Variants in TFEC observed in about 807,000 individuals in gnomAD.
The protein encoded by TFEC is transcription factor EC.
TFEC carries 31 observed loss-of-function variants against 41.6 expected under a neutral mutation model. The observed-to-expected ratio is 0.74, with a 90% CI of 0.56 to 1.01. TFEC has a LOEUF of 1.01. TFEC is among the 50% of genes least tolerant of loss of function. The probability of loss-of-function intolerance (pLI) is 0.00; values close to 1 mark genes in which losing one functional copy is unlikely to be tolerated. For synonymous variants in TFEC, 143 were observed against 140.6 expected (o/e 1.02, Z -0.12); for missense variants, 402 against 404.1 (o/e 0.99, Z 0.04).
chr7:116,061,788 T>C (rs528395320), intron 3 of TFEC, among the ~76,000 whole-genome samples: 47 of 152,202 alleles, frequency 3.1e-4, no homozygotes, highest in African/African-American at 1.1e-3. Context: ...AAAAAACTCT[T>C]TGAACAGACA....
chr7:116,014,280 G>A (rs1019965201), intron 1 of TFEC, among the ~76,000 whole-genome samples: 1 of 151,906 alleles, frequency 6.6e-6, no homozygotes, highest in Non-Finnish European at 1.5e-5. Context: ...AAATGAATAA[G>A]TGCATATAAA....
At chr7:116,021,528 A>C (rs899226313) in intron 1 of TFEC, among the ~76,000 whole-genome samples, 3 of 152,232 alleles carry the variant, frequency 2.0e-5, no homozygotes, top group Non-Finnish European at 4.4e-5. Flanking sequence ...CCAGAAAGTC[A>C]AAGCTGCAAT....
chr7:116,152,658 A>G (rs909733145), intron 1 of TFEC, among the ~76,000 whole-genome samples: 30 of 152,206 alleles, frequency 2.0e-4, no homozygotes, highest in African/African-American at 7.0e-4. Context: ...TGTACTCAGA[A>G]TCGTATTGCC....
intron 3 of TFEC, among the ~76,000 whole-genome samples, chr7:116,042,270 A>G (rs1475262062): frequency 1.3e-5 from 2 of 152,216 alleles, no homozygotes; most frequent in Non-Finnish European, 1.5e-5. Context: ...TAGAATACAT[A>G]TAATACAGCA....
At chr7:116,130,827 G>A (rs1318388952) in intron 1 of TFEC, among the ~76,000 whole-genome samples, 1 of 152,134 alleles carries the variant, frequency 6.6e-6, no homozygotes, top group South Asian at 2.1e-4. Context: ...GCTCAGGCTG[G>A]TTTCAAACTC....
intron 1 of TFEC, among the ~76,000 whole-genome samples, chr7:116,154,030 T>C (rs530534960): frequency 6.6e-6 from 1 of 152,334 alleles, no homozygotes; most frequent in Admixed American, 6.5e-5. Flanking sequence ...GAGAAGAGTG[T>C]TTCTGCTCTT....
At chr7:115,970,999 CATA>C (rs1355390097) in intron 3 of TFEC, among the ~76,000 whole-genome samples, 1 of 152,008 alleles carries the variant, frequency 6.6e-6, no homozygotes, top group African/African-American at 2.4e-5. Context: ...AGTAGGTAAA[CATA>C]ATAATAATTA....
chr7:116,123,198 G>A (rs1042266762), intron 1 of TFEC, among the ~76,000 whole-genome samples: 1 of 152,098 alleles, frequency 6.6e-6, no homozygotes, highest in Non-Finnish European at 1.5e-5. Flanking sequence ...GCCCCAGCAA[G>A]ATAACTGCAC....
At chr7:116,156,898 C>T (rs190021812) in intron 1 of TFEC, among the ~76,000 whole-genome samples, 100 of 152,270 alleles carry the variant, frequency 6.6e-4, no homozygotes, top group African/African-American at 2.0e-3. Context: ...TCCACATATA[C>T]ATTTTATACT....
At chr7:115,994,759 C>G (rs183820200) in intron 1 of TFEC, among the ~76,000 whole-genome samples, 1 of 152,284 alleles carries the variant, frequency 6.6e-6, no homozygotes, top group East Asian at 1.9e-4. Context: ...GGACTGTAAA[C>G]TAGTTCAACC....
chr7:116,138,196 A>C (rs1016029199), intron 1 of TFEC, among the ~76,000 whole-genome samples: 1 of 152,212 alleles, frequency 6.6e-6, no homozygotes, highest in African/African-American at 2.4e-5. Context: ...ATCAAATAAG[A>C]TAAGCCATTA....
intron 3 of TFEC, among the ~76,000 whole-genome samples, chr7:116,093,807 A>C (rs1797384963): frequency 6.6e-6 from 1 of 152,206 alleles, no homozygotes; most frequent in African/African-American, 2.4e-5. Context: ...GGGGAAATGC[A>C]AGCTCTAAAA....
intron 1 of TFEC, among the ~76,000 whole-genome samples, chr7:115,990,258 A>G (rs1794047404): frequency 6.6e-6 from 1 of 152,202 alleles, no homozygotes; most frequent in African/African-American, 2.4e-5. Context: ...AGGTAGATGA[A>G]TCCACAAAGA....
intron 3 of TFEC, among the ~76,000 whole-genome samples, chr7:116,044,533 T>C (rs756950464): frequency 8.5e-5 from 13 of 152,268 alleles, no homozygotes; most frequent in Admixed American, 6.5e-4. Context: ...AGAAGTTTAT[T>C]TTCTTTTGAC....
At chr7:116,135,898 G>A (rs1798423772) in intron 1 of TFEC, among the ~76,000 whole-genome samples, 1 of 152,054 alleles carries the variant, frequency 6.6e-6, no homozygotes, top group South Asian at 2.1e-4. Context: ...TTTCTATAAT[G>A]TGTATGATCA....
At chr7:116,124,551 T>A (rs1252667229) in intron 1 of TFEC, among the ~76,000 whole-genome samples, 1 of 152,134 alleles carries the variant, frequency 6.6e-6, no homozygotes, top group East Asian at 1.9e-4. Flanking sequence ...TATTAAATAA[T>A]CTACTCAAAT....
intron 3 of TFEC, among the ~76,000 whole-genome samples, chr7:116,071,481 T>A (rs1214048161): frequency 6.6e-6 from 1 of 151,368 alleles, no homozygotes; most frequent in Non-Finnish European, 1.5e-5. Flanking sequence ...TTTTAAGGAA[T>A]AACATGATTT....
rs1026825570 is a variant in TFEC at position 116,011,543 on chromosome 7, C to A, written c.-73+19090G>T. On this transcript the variant is annotated intron_variant, in intron 1 of 7. Coordinates refer to ENST00000265440, the MANE Select transcript of TFEC (RefSeq NM_012252.4). ...GAACTGTCCTTTCCAATTCAACAGA[C>A]CAACTGAATGAATGAAATATATATT... 6.6e-5 allele frequency among the ~76,000 whole-genome samples: 10 copies of A among 151,974 alleles called. No homozygotes were observed. In the East Asian group the frequency reaches 9.6e-4, roughly 15 times the overall value.
chr7:116,137,182 G>C (rs1798449222), intron 1 of TFEC, among the ~76,000 whole-genome samples: 1 of 151,944 alleles, frequency 6.6e-6, no homozygotes, highest in African/African-American at 2.4e-5. Flanking sequence ...TTTTCTTGAT[G>C]ATCTTTTCCC....
Sources: allele counts gnomAD v4.1 joint callset (sites outside exome capture counted in the v4.1 genomes callset), GRCh38; gene constraint gnomAD v4.1.1; transcripts MANE v1.5; gene names NCBI Gene and HGNC (gene_info 2026-07-23, HGNC 2026-07-21).